RBFOX1: variants seen among roughly 807,000 people sequenced by gnomAD.
The protein encoded by RBFOX1 is RNA binding fox-1 homolog 1.
RBFOX1 carries 8 observed loss-of-function variants against 57.7 expected under a neutral mutation model. That is an observed-to-expected ratio of 0.14 (90% confidence interval 0.08 to 0.25). RBFOX1 has a LOEUF of 0.25. Among genes scored for constraint, RBFOX1 ranks in the 10% least tolerant of loss-of-function variants. RBFOX1 has a pLI of 1.00. For missense variants in RBFOX1, 611 were observed against 548.5 expected, an observed-to-expected ratio of 1.11 and a Z score of -1.14; for synonymous variants, 326 against 222.4, an observed-to-expected ratio of 1.47 and a Z score of -4.15.
At chr16:5,525,491 ATTTTTTTTTTTTTTTT>A (rs71404528) in intron 2 of RBFOX1, among the ~76,000 whole-genome samples, 1 of 78,270 alleles carries the variant, frequency 1.3e-5, no homozygotes, top group Non-Finnish European at 2.3e-5. Flanking sequence ...AGCCGACACT[ATTTTTTTTTTTTTTTT>A]TTTTTTTTGA....
At chr16:7,562,220 C>T (rs2090548743) in intron 5 of RBFOX1, among the ~76,000 whole-genome samples, 1 of 152,122 alleles carries the variant, frequency 6.6e-6, no homozygotes, top group Non-Finnish European at 1.5e-5. Context: ...AGCTGTGTAC[C>T]TGCTTTTTAT....
At chr16:7,370,861 T>C (rs1023358770) in intron 4 of RBFOX1, among the ~76,000 whole-genome samples, 3 of 152,222 alleles carry the variant, frequency 2.0e-5, no homozygotes, top group Non-Finnish European at 4.4e-5. Flanking sequence ...CAAAGAACAC[T>C]GACATTTATG....
At chr16:7,100,834 G>A (rs1156561400) in intron 4 of RBFOX1, among the ~76,000 whole-genome samples, 1 of 152,156 alleles carries the variant, frequency 6.6e-6, no homozygotes, top group Non-Finnish European at 1.5e-5. Flanking sequence ...TTGTCAAATT[G>A]AGAAATGTTT....
At chr16:6,168,193 G>C (rs568657004) in intron 1 of RBFOX1, among the ~76,000 whole-genome samples, 1 of 152,256 alleles carries the variant, frequency 6.6e-6, no homozygotes, top group East Asian at 1.9e-4. Flanking sequence ...CCTGATATAC[G>C]TTGCTTAAGA....
chr16:5,378,324 G>T (rs1014594489), intron 1 of RBFOX1, among the ~76,000 whole-genome samples: 4 of 151,480 alleles, frequency 2.6e-5, no homozygotes, highest in African/African-American at 9.8e-5. Context: ...GCCTCTGCTG[G>T]CCACCCAGTC....
intron 5 of RBFOX1, among the ~76,000 whole-genome samples, chr16:7,540,799 G>A (rs1163356393): frequency 6.6e-6 from 1 of 152,200 alleles, no homozygotes; most frequent in African/African-American, 2.4e-5. Flanking sequence ...AGGCTTGTAG[G>A]AATGTTTCTG....
chr16:6,752,290 G>T (rs551434550), intron 3 of RBFOX1, among the ~76,000 whole-genome samples: 1 of 152,212 alleles, frequency 6.6e-6, no homozygotes, highest in Non-Finnish European at 1.5e-5. Context: ...AATGCAATTT[G>T]GATGTACTCC....
At chr16:6,486,107 TG>T (rs1355940982) in intron 2 of RBFOX1, among the ~76,000 whole-genome samples, 1 of 82,234 alleles carries the variant, frequency 1.2e-5, no homozygotes, top group Admixed American at 1.4e-4. Context: ...TTTTTTTTTT[TG>T]GCATTGATTG....
intron 4 of RBFOX1, among the ~76,000 whole-genome samples, chr16:7,513,692 C>A (rs1194399634): frequency 6.6e-6 from 1 of 152,144 alleles, no homozygotes; most frequent in Non-Finnish European, 1.5e-5. Context: ...TAAGAACTAC[C>A]GGTATGAGGC....
intron 1 of RBFOX1, among the ~76,000 whole-genome samples, chr16:6,192,371 A>G (rs1451204392): frequency 1.3e-5 from 2 of 152,100 alleles, no homozygotes; most frequent in Non-Finnish European, 2.9e-5. Flanking sequence ...AACGGCAGAT[A>G]AGATGAATAA....
intron 9 of RBFOX1, among the ~76,000 whole-genome samples, chr16:7,599,710 C>CCA (rs2094911930): frequency 2.0e-5 from 3 of 146,382 alleles, no homozygotes; most frequent in Non-Finnish European, 4.4e-5. Context: ...CAGTGGCATG[C>CCA]TATTGGCTCA....
At chr16:6,976,093 G>A (rs542838370) in intron 3 of RBFOX1, among the ~76,000 whole-genome samples, 1 of 152,060 alleles carries the variant, frequency 6.6e-6, no homozygotes, top group African/African-American at 2.4e-5. Context: ...TCCCACTGCA[G>A]TTCAGCCTGG....
intron 12 of RBFOX1, among the ~76,000 whole-genome samples, chr16:7,663,230 A>C (rs573328446): frequency 1.3e-5 from 2 of 152,278 alleles, no homozygotes; most frequent in East Asian, 3.9e-4. Context: ...AAAGAATTCA[A>C]AGCATAGCTC....
chr16:5,367,182 A>G lies in RBFOX1; in HGVS notation c.220-100034A>G, dbSNP rs370413002. On this transcript the variant is annotated intron_variant, in intron 1 of 2. Transcript: ENST00000585867. ...ATTTGATCTGGTTTTTATACAGAATATAATTATTTCCCTCTTTAATCTTTC... is the reference window on the plus strand; with the variant it reads ...ATTTGATCTGGTTTTTATACAGAATGTAATTATTTCCCTCTTTAATCTTTC... 6.8e-4 allele frequency among the ~76,000 whole-genome samples: 103 copies of G among 152,338 alleles called. 1 individual carries two copies. The South Asian group carries it at 0.014, about 20-fold the overall frequency.
chr16:7,212,200 C>G (rs902171650), intron 4 of RBFOX1, among the ~76,000 whole-genome samples: 1 of 152,132 alleles, frequency 6.6e-6, no homozygotes. Flanking sequence ...TGACATAGGT[C>G]TTTTAGGGTC....
chr16:7,495,994 GAGA>G (rs1423939231), intron 4 of RBFOX1, among the ~76,000 whole-genome samples: 2 of 152,154 alleles, frequency 1.3e-5, no homozygotes, highest in Non-Finnish European at 2.9e-5. Flanking sequence ...CTTCCATACA[GAGA>G]AGAAGCTAAT....
Position 6,845,300 on chromosome 16 carries a change from T to A in RBFOX1, c.-16+190650T>A, listed in dbSNP as rs146381293. 2.0e-5 allele frequency among the ~76,000 whole-genome samples: 3 copies of A among 152,320 alleles called. No individual in the cohort carries two copies. In the South Asian group the frequency reaches 6.2e-4, roughly 32 times the overall value. The stretch of plus-strand genomic sequence containing the variant: ...GCCTAGGTTTTTTTTTTCTAGTGTT[T>A]TTAGAGTTTTGGGTTTTACATTTAA... On this transcript the variant is annotated intron_variant, in intron 3 of 15. Coordinates refer to ENST00000550418, the MANE Select transcript of RBFOX1 (RefSeq NM_018723.4).
chr16:6,956,679 T>C (rs2081917851), intron 3 of RBFOX1, among the ~76,000 whole-genome samples: 1 of 152,190 alleles, frequency 6.6e-6, no homozygotes, highest in South Asian at 2.1e-4. Flanking sequence ...ATCTATTGCA[T>C]CATATCAAAG....
At chr16:7,159,228 T>C (rs1318367970) in intron 4 of RBFOX1, among the ~76,000 whole-genome samples, 1 of 152,160 alleles carries the variant, frequency 6.6e-6, no homozygotes, top group Non-Finnish European at 1.5e-5. Flanking sequence ...TAGTATTCTA[T>C]GGTGTCAATC....
Sources: allele counts gnomAD v4.1 joint callset (sites outside exome capture counted in the v4.1 genomes callset), GRCh38; gene constraint gnomAD v4.1.1; transcripts MANE v1.5; gene names NCBI Gene and HGNC (gene_info 2026-07-23, HGNC 2026-07-21).